Variants in KCNQ3 observed in about 807,000 individuals in gnomAD.
KCNQ3 encodes the protein potassium voltage-gated channel subfamily Q member 3, also known as potassium voltage-gated channel subfamily KQT member 3.
A neutral mutation model predicts 92.5 loss-of-function variants in KCNQ3; 30 were observed. The observed-to-expected ratio is 0.32, with a 90% confidence interval of 0.24 to 0.44. The LOEUF is 0.44. Ranked by LOEUF, KCNQ3 falls within the 20% of genes least tolerant of loss-of-function variation. The pLI is 1.00. For missense variants in KCNQ3, 913 were observed against 1,140.3 expected (o/e 0.80, Z 2.87); for synonymous variants, 450 against 468.8 (o/e 0.96, Z 0.52).
chr8:132,225,897 T>C (rs1363383662), intron 1 of KCNQ3, among the ~76,000 whole-genome samples: 7 of 152,208 alleles, frequency 4.6e-5, no homozygotes, highest in Non-Finnish European at 4.4e-5. Flanking sequence ...GAGATTCAAG[T>C]GTCAGAGAGG....
chr8:132,254,236 G>T (rs1423673161), intron 1 of KCNQ3, among the ~76,000 whole-genome samples: 1 of 152,210 alleles, frequency 6.6e-6, no homozygotes, highest in Non-Finnish European at 1.5e-5. Context: ...GCAGGAAAGT[G>T]CATGTTCTCC....
intron 1 of KCNQ3, among the ~76,000 whole-genome samples, chr8:132,204,044 A>C (rs907653795): frequency 6.6e-6 from 1 of 152,246 alleles, no homozygotes; most frequent in Non-Finnish European, 1.5e-5. Context: ...CTACTAAGAA[A>C]GGAAAACTGA....
At chr8:132,411,437 C>G (rs561348567) in intron 1 of KCNQ3, among the ~76,000 whole-genome samples, 1 of 152,250 alleles carries the variant, frequency 6.6e-6, no homozygotes, top group South Asian at 2.1e-4. Context: ...TGGAAAGCCT[C>G]TCTCAGCAGA....
At chr8:132,455,900 C>G (rs1472957033) in intron 1 of KCNQ3, among the ~76,000 whole-genome samples, 1 of 152,084 alleles carries the variant, frequency 6.6e-6, no homozygotes, top group Non-Finnish European at 1.5e-5. Flanking sequence ...CACCACCAAG[C>G]CTGGCTAATT....
chr8:132,311,658 G>C (rs13275782), intron 1 of KCNQ3, among the ~76,000 whole-genome samples: 118,038 of 152,226 alleles, frequency 0.78, 46,220 homozygotes, highest in East Asian at 0.89. Context: ...GAAGTGCTTA[G>C]AGCAGTGTCT....
intron 1 of KCNQ3, among the ~76,000 whole-genome samples, chr8:132,310,804 A>C (rs1304353216): frequency 6.6e-6 from 1 of 152,216 alleles, no homozygotes; most frequent in African/African-American, 2.4e-5. Context: ...ATATCCGAAT[A>C]AATCTTGGAA....
chr8:132,369,360 G>A (rs558024746), intron 1 of KCNQ3, among the ~76,000 whole-genome samples: 1 of 152,070 alleles, frequency 6.6e-6, no homozygotes, highest in Non-Finnish European at 1.5e-5. Context: ...TCCTTGAGAG[G>A]GAGTTTCTCC....
intron 1 of KCNQ3, among the ~76,000 whole-genome samples, chr8:132,244,044 A>C (rs1475020063): frequency 6.6e-6 from 1 of 152,158 alleles, no homozygotes. Context: ...GTCATTGTGC[A>C]GATTCAACCA....
intron 1 of KCNQ3, among the ~76,000 whole-genome samples, chr8:132,407,982 A>C (rs1272359440): frequency 1.3e-5 from 2 of 152,188 alleles, no homozygotes; most frequent in Non-Finnish European, 2.9e-5. Context: ...GGCAAAGGTA[A>C]GTCGCTGGGT....
At chr8:132,180,036 G>T (rs41272385) in intron 4 of KCNQ3, 121 bp downstream of exon 4, 13 of 1,112,932 alleles carry the variant, frequency 1.2e-5, no homozygotes, top group Non-Finnish European at 1.7e-5. Context: ...CCTCTTTGTC[G>T]TTATCATCAA....
rs769794725 is a variant in KCNQ3, at chr8:132,141,257, G to T, written c.1337C>A (p.Thr446Asn). 6.2e-7 allele frequency: 1 copy of T among 1,614,186 alleles called. No individual in the cohort carries two copies. Among genetic ancestry groups the T allele is most frequent in the South Asian group, 1.1e-5 (1 of 91,086 alleles). Residue 446 changes from threonine (T) to asparagine (N), a missense_variant, in exon 10 of 15, where the codon ACC (threonine) becomes AAC (asparagine). Physicochemically the swap from Thr to Asn is moderately conservative, Grantham distance 65. Transcript: ENST00000388996. ...TTCTATGGCATCTACATTCAGAGGG[G>T]TAAATAGCTTTCCTTTAGTATTGCT... is the stretch of plus-strand genomic sequence containing the variant. ...RGSNTKGKLFTPLNVDAIEES... is the reference protein window; with the variant it reads ...RGSNTKGKLFNPLNVDAIEES...
At chr8:132,221,793 C>G (rs1322727209) in intron 1 of KCNQ3, among the ~76,000 whole-genome samples, 3 of 152,072 alleles carry the variant, frequency 2.0e-5, no homozygotes, top group African/African-American at 7.2e-5. Flanking sequence ...TTTGACAAAC[C>G]TGACAAAAAC....
intron 1 of KCNQ3, among the ~76,000 whole-genome samples, chr8:132,366,808 T>C (rs979715059): frequency 6.6e-6 from 1 of 152,212 alleles, no homozygotes; most frequent in Non-Finnish European, 1.5e-5. Context: ...AAATTCCATT[T>C]GATCATGGAA....
chr8:132,216,685 G>T (rs1158880442), intron 1 of KCNQ3, among the ~76,000 whole-genome samples: 1 of 152,108 alleles, frequency 6.6e-6, no homozygotes, highest in Non-Finnish European at 1.5e-5. Flanking sequence ...CAAAAAAAGG[G>T]GTGCAGAGAG....
At chr8:132,361,696 T>C (rs1300762832) in intron 1 of KCNQ3, among the ~76,000 whole-genome samples, 1 of 152,120 alleles carries the variant, frequency 6.6e-6, no homozygotes, top group Non-Finnish European at 1.5e-5. Context: ...TTCTCACCAA[T>C]ACATTTAGAA....
intron 1 of KCNQ3, among the ~76,000 whole-genome samples, chr8:132,259,467 C>T (rs1322817924): frequency 2.6e-5 from 4 of 151,990 alleles, no homozygotes; most frequent in Non-Finnish European, 5.9e-5. Context: ...GAGAAAAATA[C>T]TCAACAAATT....
rs1824480974 is a variant in KCNQ3 at position 132,121,887 on chromosome 8, G to T, written c.*7375C>A. 1 of 152,120 alleles carries T rather than the reference G, an allele frequency of 6.6e-6. No homozygotes were observed. The highest frequency in any genetic ancestry group is 2.4e-5 in the African/African-American group (1 of 41,420). 9.4% of individuals were successfully genotyped at this position (152,120 alleles called of 1,614,324 possible). ...GCTAATGGATTCCAATGTGAACCAG[G>T]TGAATAATTTATGAGGCATTATTTT... On this transcript the variant is annotated 3_prime_UTR_variant, in exon 15 of 15. Transcript: ENST00000388996.
At chr8:132,179,330 C>CTCA in intron 4 of KCNQ3, among the ~76,000 whole-genome samples, 1 of 152,150 alleles carries the variant, frequency 6.6e-6, no homozygotes, top group Admixed American at 6.5e-5. Flanking sequence ...CTCCTGGATT[C>CTCA]TGATCTACCT....
intron 1 of KCNQ3, among the ~76,000 whole-genome samples, chr8:132,252,169 T>C (rs977725531): frequency 2.6e-5 from 4 of 152,010 alleles, no homozygotes; most frequent in African/African-American, 7.3e-5. Context: ...TGTCCGGAAT[T>C]GGTTCCTTCT....
Sources: allele counts gnomAD v4.1 joint callset (sites outside exome capture counted in the v4.1 genomes callset), GRCh38; gene constraint gnomAD v4.1.1; transcripts MANE v1.5; gene names NCBI Gene and HGNC (gene_info 2026-07-23, HGNC 2026-07-21).